PFKFB4: variants seen among roughly 807,000 people sequenced by gnomAD.
PFKFB4 encodes 6-phosphofructo-2-kinase/fructose-2,6-bisphosphatase 4.
In PFKFB4, 42 loss-of-function variants were observed where a neutral mutation model predicts 62.8. The ratio of observed to expected loss-of-function variants is 0.67; its 90% CI spans 0.52 to 0.86. The LOEUF (loss-of-function observed/expected upper bound fraction) is 0.86. Among genes scored for constraint, PFKFB4 ranks in the 40% least tolerant of loss-of-function variants. PFKFB4 has a pLI of 0.00. For synonymous variants in PFKFB4, 204 were observed against 240.7 expected, an observed-to-expected ratio of 0.85 and a Z score of 1.41; for missense variants, 475 against 627.2, an observed-to-expected ratio of 0.76 and a Z score of 2.59.
chr3:48,555,732 CAAAAAAAAAGA>C (rs2043293155), intron 1 of PFKFB4, among the ~76,000 whole-genome samples: 1 of 144,888 alleles, frequency 6.9e-6, no homozygotes, highest in Non-Finnish European at 1.5e-5. Context: ...CCTGTCTCTA[CAAAAAAAAAGA>C]AAAAAGAAAA....
chr3:48,558,130 C>T (rs2043374223), upstream of PFKFB4, among the ~76,000 whole-genome samples: 7 of 152,160 alleles, frequency 4.6e-5, no homozygotes, highest in Admixed American at 4.6e-4. Flanking sequence ...ATATTTGTAT[C>T]TCCCTCTTGT....
At chr3:48,532,110 C>T (rs2042446558) in intron 9 of PFKFB4, among the ~76,000 whole-genome samples, 1 of 152,130 alleles carries the variant, frequency 6.6e-6, no homozygotes. Flanking sequence ...AGTTTGAGAC[C>T]AGTCTGGCCA....
chr3:48,526,930 G>A lies in PFKFB4; in HGVS notation c.988-1261C>T, dbSNP rs539751386. Among the ~76,000 whole-genome samples the A allele has an allele frequency of 5.5e-5, 8 of 145,394 alleles. No homozygotes were observed. In the South Asian group the frequency reaches 1.7e-3, roughly 31 times the overall value. On this transcript the variant is annotated intron_variant, in intron 9 of 13. Coordinates refer to ENST00000232375, the MANE Select transcript of PFKFB4 (RefSeq NM_004567.4). ...CACTCCAGCCTGGGTGACAGAGCGA[G>A]ACTCCATCTCAAAAAAAAAAAAAAA...
chr3:48,539,387 C>A, intron 5 of PFKFB4, 77 bp from the exon 6 acceptor site: 1 of 1,245,286 alleles, frequency 8.0e-7, no homozygotes, highest in African/African-American at 1.5e-5. Context: ...CCTTGCTCCT[C>A]GGAGCTCTCC....
At chr3:48,522,128 G>T in intron 12 of PFKFB4, 78 bp from the exon 13 acceptor site, 1 of 1,302,400 alleles carries the variant, frequency 7.7e-7, no homozygotes. Context: ...TTCTCTTGGA[G>T]GGGGGTCTGG....
upstream of PFKFB4, among the ~76,000 whole-genome samples, chr3:48,557,771 A>G (rs2043366433): frequency 2.6e-5 from 4 of 152,150 alleles, no homozygotes; most frequent in Admixed American, 6.5e-5. Context: ...TCCTGACCTC[A>G]GGTGATACGC....
intron 9 of PFKFB4, among the ~76,000 whole-genome samples, chr3:48,526,710 G>A (rs1186279599): frequency 6.6e-6 from 1 of 151,948 alleles, no homozygotes; most frequent in Non-Finnish European, 1.5e-5. Flanking sequence ...GGAGGCTGAG[G>A]CAGGTGGATC....
intron 3 of PFKFB4, among the ~76,000 whole-genome samples, chr3:48,545,379 C>T (rs2042930696): frequency 6.6e-6 from 1 of 152,220 alleles, no homozygotes; most frequent in African/African-American, 2.4e-5. Flanking sequence ...GTGATCCACC[C>T]TCCTCAGCCT....
Position 48,535,602 on chromosome 3 carries a change from G to A in PFKFB4, c.897C>T (p.Val299=), listed in dbSNP as rs1347862938. Residue 299 remains valine, a synonymous_variant, in exon 9 of 14, where the codon GTC becomes GTT. Coordinates refer to ENST00000232375, the MANE Select transcript of PFKFB4 (RefSeq NM_004567.4). ...TTGTCCTCTTCATCTGGCTTGTCCA[G>A]ACCTTCAGATCCTTGATATTTTGGT... ...ISDQNIKDLK[V]WTSQMKRTIQ... is the part of the protein sequence containing the mutation. 6 of 1,614,100 alleles carry A rather than the reference G, an allele frequency of 3.7e-6. No homozygotes were observed. Among genetic ancestry groups the A allele is most frequent in the African/African-American group, 1.3e-5 (1 of 75,040 alleles).
rs2107421215 is a variant in PFKFB4 at position 48,518,238 on chromosome 3, CTT to C, written c.*1507_*1508del. ...TGCCCCGGCTCCGCCTTGGACATCT[CTT>C]AGCAGAGCAGCACACAAGGATGAGA... On this transcript the variant is annotated 3_prime_UTR_variant, in exon 14 of 14. Coordinates refer to ENST00000232375, the MANE Select transcript of PFKFB4 (RefSeq NM_004567.4). 1 of 152,538 alleles carries C rather than the reference CTT, an allele frequency of 6.6e-6. No individual in the cohort carries two copies. The highest frequency in any genetic ancestry group is 1.5e-5 in the Non-Finnish European group (1 of 68,162). 9.4% of individuals were successfully genotyped at this position (152,538 alleles called of 1,614,324 possible).
chr3:48,521,766 T>TCAGG lies in PFKFB4; in HGVS notation c.1350+216_1350+219dup, dbSNP rs898382076. ...CACTCCTGAGCCTGGTGGCCCAGAG[T>TCAGG]CAGGGATTTCCCCATCCCCAGGGCA... On this transcript the variant is annotated intron_variant, in intron 13 of 13. Transcript: ENST00000232375. The surrounding 1 kb of genome is among the most constrained non-coding windows in gnomAD (Gnocchi z 5.3). Among the ~76,000 whole-genome samples, 5 of 152,014 alleles carry TCAGG rather than the reference T, an allele frequency of 3.3e-5. No individual in the cohort carries two copies. Among genetic ancestry groups the TCAGG allele is most frequent in the Admixed American group, 6.5e-5 (1 of 15,274 alleles).
At chr3:48,557,374 C>CCTCGGGGTCCCCCTTGACTG (rs1236823792), upstream of PFKFB4, among the ~76,000 whole-genome samples, 1 of 152,362 alleles carries the variant, frequency 6.6e-6, no homozygotes, top group African/African-American at 2.4e-5. Context: ...TCCTGCCCCT[C>CCTCGGGGTCCCCCTTGACTG]CTCGGGGTCC....
Position 48,521,245 on chromosome 3 carries a change from G to A in PFKFB4, c.1350+741C>T, listed in dbSNP as rs1323164499. Among the ~76,000 whole-genome samples, 2 of 152,176 alleles carry A rather than the reference G, an allele frequency of 1.3e-5. No individual in the cohort carries two copies. Among genetic ancestry groups the A allele is most frequent in the Non-Finnish European group, 2.9e-5 (2 of 68,014 alleles). On this transcript the variant is annotated intron_variant, in intron 13 of 13. Coordinates refer to ENST00000232375, the MANE Select transcript of PFKFB4 (RefSeq NM_004567.4). This position sits in a 1 kb window ranked among gnomAD's most constrained non-coding sequence, Gnocchi z 5.3. ...TGACTGAGGCCCAAGAGCCTTCTCC[G>A]TGCAGTGGCCTCCAGGAACTGGGAC...
intron 9 of PFKFB4, among the ~76,000 whole-genome samples, chr3:48,531,521 A>C (rs984766776): frequency 2.0e-5 from 3 of 149,276 alleles, no homozygotes; most frequent in African/African-American, 7.4e-5. Context: ...GCTCACCACA[A>C]CCTCCGCCTC....
At chr3:48,539,396 C>A (rs974303758) in intron 5 of PFKFB4, 86 bp from the exon 6 acceptor site, 21 of 1,172,374 alleles carry the variant, frequency 1.8e-5, no homozygotes, top group Non-Finnish European at 1.0e-5. Context: ...TCGGAGCTCT[C>A]CATCCCCTGA....
At chr3:48,523,680 C>A (rs1355515720) in intron 11 of PFKFB4, 21 bp downstream of exon 11, 3 of 1,613,896 alleles carry the variant, frequency 1.9e-6, no homozygotes, top group African/African-American at 2.7e-5. Context: ...CTTCCCACCT[C>A]CCCCGGGGCA....
upstream of PFKFB4, chr3:48,562,549 T>C (rs2043448700): frequency 1.8e-6 from 1 of 552,160 alleles, no homozygotes; most frequent in Admixed American, 3.6e-5. The surrounding 1 kb of genome is among the most constrained non-coding windows in gnomAD (Gnocchi z 4.3). Context: ...GTGACCCAAC[T>C]TAGCAATGTC....
upstream of PFKFB4, chr3:48,559,897 AC>A (rs2043405492): frequency 3.5e-5 from 5 of 144,410 alleles, no homozygotes; most frequent in South Asian, 5.0e-5. Flanking sequence ...AAACCATCCC[AC>A]CACACACACA....
intron 9 of PFKFB4, among the ~76,000 whole-genome samples, chr3:48,527,446 A>G (rs943656825): frequency 2.0e-5 from 3 of 151,914 alleles, no homozygotes; most frequent in Non-Finnish European, 2.9e-5. Flanking sequence ...ACACTTGAAT[A>G]CTAACACATA....
Sources: allele counts gnomAD v4.1 joint callset (sites outside exome capture counted in the v4.1 genomes callset), GRCh38; gene constraint gnomAD v4.1.1; non-coding constraint Gnocchi (gnomAD v3.1); transcripts MANE v1.5; gene names NCBI Gene and HGNC (gene_info 2026-07-23, HGNC 2026-07-21).